The following MGAT4C variants were observed in gnomAD, a reference collection of about 807,000 sequenced individuals.
The protein encoded by MGAT4C is alpha-1,3-mannosyl-glycoprotein 4-beta-N-acetylglucosaminyltransferase C.
MGAT4C carries 19 observed loss-of-function variants against 40.1 expected under a neutral mutation model. That is an observed-to-expected ratio of 0.47 (90% CI 0.33 to 0.70). MGAT4C has a LOEUF of 0.70. Among genes scored for constraint, MGAT4C ranks in the 30% least tolerant of loss-of-function variants. The pLI, the probability that MGAT4C is intolerant of heterozygous loss-of-function variation, is 0.02. For missense variants in MGAT4C, 491 were observed against 563.2 expected, an observed-to-expected ratio of 0.87 and a Z score of 1.30; for synonymous variants, 181 against 187.1, an observed-to-expected ratio of 0.97 and a Z score of 0.27.
intron 2 of MGAT4C, among the ~76,000 whole-genome samples, chr12:86,028,365 G>T (rs957960465): frequency 6.6e-6 from 1 of 151,926 alleles, no homozygotes; most frequent in East Asian, 1.9e-4. Context: ...CTGTCACTAT[G>T]AAGTATTGCT....
chr12:86,383,694 T>C (rs1955997341), intron 3 of MGAT4C, among the ~76,000 whole-genome samples: 1 of 152,122 alleles, frequency 6.6e-6, no homozygotes, highest in Admixed American at 6.5e-5. Flanking sequence ...TGTATCCTCA[T>C]TGTATCCAGA....
At chr12:85,985,737 GT>G (rs760457949) in intron 3 of MGAT4C, among the ~76,000 whole-genome samples, 35 of 152,022 alleles carry the variant, frequency 2.3e-4, no homozygotes, top group Non-Finnish European at 4.0e-4. Context: ...ATTTTCATTG[GT>G]GTTTACCTGC....
intron 1 of MGAT4C, among the ~76,000 whole-genome samples, chr12:86,187,801 G>A (rs1191280808): frequency 6.6e-6 from 1 of 151,536 alleles, no homozygotes; most frequent in African/African-American, 2.4e-5. Context: ...ACGTATTAAA[G>A]ATTGGTTGTT....
intron 1 of MGAT4C, among the ~76,000 whole-genome samples, chr12:86,166,392 G>A (rs1886193485): frequency 6.6e-6 from 1 of 152,166 alleles, no homozygotes; most frequent in Admixed American, 6.5e-5. Context: ...ACTAAGCCGG[G>A]TGGGTGCGGT....
chr12:86,288,400 T>G (rs1953411696), intron 4 of MGAT4C, among the ~76,000 whole-genome samples: 1 of 152,254 alleles, frequency 6.6e-6, no homozygotes, highest in Non-Finnish European at 1.5e-5. Flanking sequence ...CTTTTGGTGT[T>G]TTAGTCATGA....
At chr12:86,497,992 T>C (rs1241556276) in intron 2 of MGAT4C, among the ~76,000 whole-genome samples, 4 of 145,396 alleles carry the variant, frequency 2.8e-5, no homozygotes, top group Admixed American at 7.0e-5. Flanking sequence ...ATAATCTTTA[T>C]ATATTATATT....
At chr12:86,628,308 G>A (rs1365240233) in intron 2 of MGAT4C, among the ~76,000 whole-genome samples, 1 of 152,166 alleles carries the variant, frequency 6.6e-6, no homozygotes, top group African/African-American at 2.4e-5. Context: ...ATGGAACTAA[G>A]CTGGAAAACA....
intron 1 of MGAT4C, among the ~76,000 whole-genome samples, chr12:86,143,679 C>T (rs1257476825): frequency 3.3e-5 from 5 of 151,792 alleles, no homozygotes; most frequent in South Asian, 4.1e-4. Flanking sequence ...AGAGAAGAAC[C>T]GAAAAACCAA....
intron 2 of MGAT4C, among the ~76,000 whole-genome samples, chr12:86,551,426 G>T (rs1959355243): frequency 6.6e-6 from 1 of 151,916 alleles, no homozygotes; most frequent in Non-Finnish European, 1.5e-5. Flanking sequence ...AGCCTCATGG[G>T]ACATCTCTGG....
At chr12:86,412,469 T>C (rs925580857) in intron 3 of MGAT4C, among the ~76,000 whole-genome samples, 1 of 152,220 alleles carries the variant, frequency 6.6e-6, no homozygotes, top group African/African-American at 2.4e-5. Flanking sequence ...CTTTGAGATT[T>C]AATAATTGCC....
chr12:86,058,811 T>A (rs1446823109), intron 1 of MGAT4C, among the ~76,000 whole-genome samples: 1 of 152,170 alleles, frequency 6.6e-6, no homozygotes, highest in Non-Finnish European at 1.5e-5. Context: ...ATTTTATTTA[T>A]CTTTTAGATG....
intron 2 of MGAT4C, among the ~76,000 whole-genome samples, chr12:86,693,376 A>G (rs1286559894): frequency 6.6e-6 from 1 of 152,206 alleles, no homozygotes; most frequent in East Asian, 1.9e-4. Context: ...GTGTTCCACA[A>G]ATATTTTTAA....
chr12:86,822,048 T>C (rs565378528), intron 1 of MGAT4C, among the ~76,000 whole-genome samples: 1 of 151,172 alleles, frequency 6.6e-6, no homozygotes, highest in East Asian at 1.9e-4. Context: ...ACAACAATAA[T>C]ATAATGTTTA....
chr12:86,378,779 C>G (rs2136218009), intron 3 of MGAT4C, among the ~76,000 whole-genome samples: 1 of 152,266 alleles, frequency 6.6e-6, no homozygotes, highest in Admixed American at 6.5e-5. Context: ...TCTTCAATTA[C>G]TTGGAACTTG....
intron 3 of MGAT4C, among the ~76,000 whole-genome samples, chr12:86,357,787 T>C (rs1435999881): frequency 1.3e-5 from 2 of 151,088 alleles, no homozygotes; most frequent in African/African-American, 2.4e-5. Flanking sequence ...GAAAAAAGAG[T>C]AAAAAGAATC....
chr12:86,040,038 G>A (rs1482838133), intron 2 of MGAT4C, among the ~76,000 whole-genome samples: 1 of 152,180 alleles, frequency 6.6e-6, no homozygotes, highest in Non-Finnish European at 1.5e-5. Context: ...CTGTTTGCCT[G>A]GGTACCACCG....
intron 2 of MGAT4C, among the ~76,000 whole-genome samples, chr12:86,675,040 T>G (rs563131754): frequency 6.6e-6 from 1 of 152,284 alleles, no homozygotes; most frequent in East Asian, 1.9e-4. Context: ...TGTCCTTAAG[T>G]GAGAAAACTT....
chr12:86,310,918 C>A (rs529830537), intron 4 of MGAT4C, among the ~76,000 whole-genome samples: 1 of 152,088 alleles, frequency 6.6e-6, no homozygotes, highest in Non-Finnish European at 1.5e-5. Flanking sequence ...AATGAGACTT[C>A]GTCTCAAAAA....
chr12:86,774,381 T>G (rs1463729316), intron 1 of MGAT4C, among the ~76,000 whole-genome samples: 7 of 80,610 alleles, frequency 8.7e-5, no homozygotes, highest in African/African-American at 2.5e-4. Flanking sequence ...TTTCTGTCTG[T>G]CTCTCTCTCT....
Sources: allele counts gnomAD v4.1 joint callset (sites outside exome capture counted in the v4.1 genomes callset), GRCh38; gene constraint gnomAD v4.1.1; transcripts MANE v1.5; gene names NCBI Gene and HGNC (gene_info 2026-07-23, HGNC 2026-07-21).